The following PSMC3IP variants were observed in gnomAD, a reference collection of about 807,000 sequenced individuals.
The protein encoded by PSMC3IP is PSMC3 interacting protein, also known as homologous-pairing protein 2 homolog.
A neutral mutation model predicts 34.9 loss-of-function variants in PSMC3IP; 26 were observed. The ratio of observed to expected loss-of-function variants is 0.74; its 90% confidence interval spans 0.55 to 1.03. PSMC3IP has a LOEUF of 1.03. PSMC3IP is among the 50% of genes least tolerant of loss of function. PSMC3IP has a pLI of 0.00. For missense variants in PSMC3IP, 250 were observed against 263.1 expected, an observed-to-expected ratio of 0.95 and a Z score of 0.34; for synonymous variants, 87 against 96.5, an observed-to-expected ratio of 0.90 and a Z score of 0.57.
intron 1 of PSMC3IP, 35 bp from the exon 2 acceptor site, chr17:42,577,596 A>G: frequency 6.2e-7 from 1 of 1,614,056 alleles, no homozygotes; most frequent in South Asian, 1.1e-5. Flanking sequence ...GGGCCACTCA[A>G]CCGACCTCCT....
Position 42,577,342 on chromosome 17 carries a change from G to A in PSMC3IP, c.136-40C>T, listed in dbSNP as rs759132933. On this transcript the variant is annotated intron_variant, in intron 2 of 7. Coordinates refer to ENST00000393795, the MANE Select transcript of PSMC3IP (RefSeq NM_016556.4). ...AGAAGGAGCAATCAGAGGAGTCTGA[G>A]CCTGGGTCTGGGGAAATCCAGCCAG... is the stretch of plus-strand genomic sequence containing the variant. 1.2e-5 allele frequency: 19 copies of A among 1,610,746 alleles called. No individual in the cohort carries two copies. In the African/African-American group the frequency reaches 1.6e-4, roughly 14 times the overall value.
intron 4 of PSMC3IP, 188 bp from the exon 5 acceptor site, chr17:42,573,811 G>A (rs535152634): frequency 5.9e-6 from 9 of 1,528,378 alleles, no homozygotes; most frequent in Non-Finnish European, 7.9e-6. Context: ...GTGGGTGTGA[G>A]GTTGAACACT....
At chr17:42,574,773 C>T (rs1167121136) in intron 3 of PSMC3IP, among the ~76,000 whole-genome samples, 1 of 132,812 alleles carries the variant, frequency 7.5e-6, no homozygotes, top group Admixed American at 7.9e-5. Flanking sequence ...TCCCTCTTTT[C>T]CTCTCTTTCT....
intron 4 of PSMC3IP, 140 bp downstream of exon 4, chr17:42,573,959 T>C: frequency 6.5e-7 from 1 of 1,538,452 alleles, no homozygotes; most frequent in Admixed American, 2.0e-5. Context: ...CCTACATTTC[T>C]TTTTATGCCT....
intron 6 of PSMC3IP, 42 bp from the exon 7 acceptor site, chr17:42,573,208 T>TG: frequency 2.5e-6 from 4 of 1,614,164 alleles, no homozygotes; most frequent in Non-Finnish European, 3.4e-6. Flanking sequence ...TGGGCAGCAC[T>TG]GGGCACTGCC....
chr17:42,573,827 A>C, intron 4 of PSMC3IP: 2 of 1,530,492 alleles, frequency 1.3e-6, no homozygotes, highest in Non-Finnish European at 1.7e-6. Flanking sequence ...ACACTTACTT[A>C]GGCGTAGCCA....
chr17:42,576,674 G>A (rs1272509429), intron 3 of PSMC3IP: 11 of 182,682 alleles, frequency 6.0e-5, no homozygotes, highest in Non-Finnish European at 8.2e-5. Flanking sequence ...AAATCAGCTG[G>A]ACTTGATGGT....
intron 4 of PSMC3IP, 157 bp downstream of exon 4, chr17:42,573,942 T>C (rs2093055357): frequency 2.6e-6 from 4 of 1,535,102 alleles, no homozygotes; most frequent in Non-Finnish European, 2.6e-6. Context: ...CAAAAGCCGT[T>C]AGTTATCCTA....
Position 42,577,272 on chromosome 17 carries a change from G to A in PSMC3IP, c.166C>T (p.Gln56Ter). ...VVVKTLEQLA[Q>*]QGKIKEKMYG... ...ATCTTCTCTTTGATCTTGCCTTGTT[G>A]CGCCAGCTGCTCCAGCGTCTTCACC... The change falls in exon 3 of 8, where the codon CAA becomes TAA. Residue 56 changes from glutamine to a stop codon, truncating the protein, a stop_gained. Transcript: ENST00000393795. LOFTEE classifies it high-confidence loss of function. The A allele has an allele frequency of 6.2e-7, 1 of 1,614,010 alleles. No individual in the cohort carries two copies. The highest frequency in any genetic ancestry group is 8.5e-7 in the Non-Finnish European group (1 of 1,180,016).
chr17:42,577,224 A>T lies in PSMC3IP; in HGVS notation c.214T>A (p.Phe72Ile). The change falls in exon 3 of 8, where the codon TTT becomes ATT. Residue 72 changes from phenylalanine (F) to isoleucine (I), a missense_variant. Transcript: ENST00000393795. ...CAAGTTCTCCTCACCTGATCCGCAA[A>T]ATAGATCTTCTGCTTGCCGTACATC... ...EKMYGKQKIYFADQDQFDMVS... is the reference protein window; with the variant it reads ...EKMYGKQKIYIADQDQFDMVS... 1.2e-6 allele frequency: 2 copies of T among 1,614,000 alleles called. No homozygotes were observed. Among genetic ancestry groups the T allele is most frequent in the South Asian group, 1.1e-5 (1 of 91,080 alleles).
chr17:42,573,833 A>G, intron 4 of PSMC3IP: 2 of 1,531,840 alleles, frequency 1.3e-6, no homozygotes, highest in South Asian at 1.2e-5. Context: ...ACTTAGGCGT[A>G]GCCAGTTAAA....
In PSMC3IP at chr17:42,572,653, G is replaced by GAAAT. The variant is rs2093041235; in HGVS notation, c.*311_*314dup. On this transcript the variant is annotated 3_prime_UTR_variant, in exon 8 of 8. Transcript: ENST00000393795. ...ATCTGGCAGGTTTGACTATCCAGAGGAAATTAAATATTTTTATATAAAATT... is the reference window on the plus strand; with the variant it reads ...ATCTGGCAGGTTTGACTATCCAGAGGAAATAAATTAAATATTTTTATATAAAATT... The GAAAT allele has an allele frequency of 2.5e-6, 1 of 406,604 alleles. No individual in the cohort carries two copies. Among genetic ancestry groups the GAAAT allele is most frequent in the African/African-American group, 2.1e-5 (1 of 48,484 alleles). 25.2% of individuals were successfully genotyped at this position (406,604 alleles called of 1,614,324 possible).
At chr17:42,574,525 A>G (rs1180030715) in intron 3 of PSMC3IP, among the ~76,000 whole-genome samples, 1 of 152,218 alleles carries the variant, frequency 6.6e-6, no homozygotes, top group Non-Finnish European at 1.5e-5. Context: ...CAGTTAAGTA[A>G]CATTGTTCCC....
At position 42,577,657 on chromosome 17, in the gene PSMC3IP, C is replaced by T. The variant is rs202144890; in HGVS notation, c.30G>A (p.Ala10=). 366 of 1,614,168 alleles carry T rather than the reference C, an allele frequency of 2.3e-4. 2 individuals carry two copies. The South Asian group carries it at 3.2e-3, about 14-fold the overall frequency. ...CCGCGCCCACGGCGCCGTTACCTCC[C>T]GCCGCAGCTTCTGCCCGGCCTTTAC... is the stretch of plus-strand genomic sequence containing the variant. The part of the protein sequence containing the change: MSKGRAEAA[A]GAAGILLRYL... The change falls in exon 1 of 8, where the codon GCG becomes GCA. Residue 10 remains alanine, a synonymous_variant. Transcript: ENST00000393795.
chr17:42,574,045 C>T lies in PSMC3IP; in HGVS notation c.337+54G>A, dbSNP rs772964708. 122 of 1,607,172 alleles carry T rather than the reference C, an allele frequency of 7.6e-5. 1 individual carries two copies. The highest frequency in any genetic ancestry group is 9.5e-5 in the Non-Finnish European group (112 of 1,176,878). On this transcript the variant is annotated intron_variant, in intron 4 of 7. Transcript: ENST00000393795. ...GAACCATTCATTTAGTAATTCCTGA[C>T]CTCTAGAATGAACCTAAGCCTATGG...
At position 42,573,150 on chromosome 17, in the gene PSMC3IP, T is replaced by A. The variant is rs111830611; in HGVS notation, c.554A>T (p.Asp185Val). Residue 185 changes from aspartate to valine, a missense_variant, in exon 7 of 8, where the codon GAT (aspartate) becomes GTT (valine). By Grantham distance (152) the Asp-to-Val change is radical. Transcript: ENST00000393795. ...KRKRMATELSDAILEGYPKSK... is the reference protein window; with the variant it reads ...KRKRMATELSVAILEGYPKSK... ...CTTGGGGTATCCTTCAAGTATTGCATCAGACAGCTCTGTAGCCTGACAAGA... is the reference window on the plus strand; with the variant it reads ...CTTGGGGTATCCTTCAAGTATTGCAACAGACAGCTCTGTAGCCTGACAAGA... 2.5e-5 allele frequency: 41 copies of A among 1,614,218 alleles called. No homozygotes were observed. Among genetic ancestry groups the A allele is most frequent in the Non-Finnish European group, 3.5e-5 (41 of 1,180,042 alleles).
intron 7 of PSMC3IP, 29 bp from the exon 8 acceptor site, chr17:42,573,053 A>G (rs374180443): frequency 2.8e-5 from 46 of 1,614,054 alleles, no homozygotes; most frequent in Non-Finnish European, 4.2e-6. Context: ...AGTGAATGAG[A>G]TGTCACCAGG....
rs565147528 is a variant in PSMC3IP, at chr17:42,573,531, A to T, written c.430T>A (p.Leu144Met). The change falls in exon 5 of 8, where the codon TTG (leucine) becomes ATG (methionine). Residue 144 changes from leucine (L) to methionine (M), a missense_variant. Transcript: ENST00000393795. Reference sequence around the variant, plus strand: ...TTGGTAGCTGCTTTAATGTTCTTCAATCTCTCTCTGTAGCCAGCGCATTCC... The same window carrying T: ...TTGGTAGCTGCTTTAATGTTCTTCATTCTCTCTCTGTAGCCAGCGCATTCC... ...KKECAGYRER[L>M]KNIKAATNHV... 6 of 1,613,984 alleles carry T rather than the reference A, an allele frequency of 3.7e-6. No individual in the cohort carries two copies. Among genetic ancestry groups the T allele is most frequent in the Non-Finnish European group, 5.1e-6 (6 of 1,180,004 alleles).
chr17:42,576,038 C>CAAT (rs907348759), intron 3 of PSMC3IP, among the ~76,000 whole-genome samples: 1 of 151,792 alleles, frequency 6.6e-6, no homozygotes, highest in Non-Finnish European at 1.5e-5. Flanking sequence ...ACAACAACAA[C>CAAT]AATAACAAAA....
Sources: gnomAD v4.1 joint callset for allele counts (sites outside exome capture counted in the v4.1 genomes callset) on GRCh38, gnomAD v4.1.1 for gene constraint, MANE v1.5 for transcripts, NCBI Gene and HGNC (gene_info 2026-07-23, HGNC 2026-07-21) for gene names.